Variants in SLC24A3 observed in about 807,000 individuals in gnomAD.
SLC24A3 encodes solute carrier family 24 member 3, also known as sodium/potassium/calcium exchanger 3.
A neutral mutation model predicts 75.8 loss-of-function variants in SLC24A3; 28 were observed. That is an observed-to-expected ratio of 0.37 (90% confidence interval 0.27 to 0.51). The LOEUF (loss-of-function observed/expected upper bound fraction) is 0.51, where lower values mean the gene tolerates loss of function less well. Ranked by LOEUF, SLC24A3 falls within the 20% of genes least tolerant of loss-of-function variation. SLC24A3 has a pLI of 0.94. For synonymous variants in SLC24A3, 372 were observed against 334.1 expected (o/e 1.11, Z -1.24); for missense variants, 663 against 847.8 (o/e 0.78, Z 2.71).
intron 2 of SLC24A3, among the ~76,000 whole-genome samples, chr20:19,335,212 T>C (rs1055584089): frequency 7.2e-5 from 11 of 152,208 alleles, no homozygotes; most frequent in African/African-American, 2.7e-4. Context: ...CCTCAAAGTC[T>C]CATAGTCTCA....
At chr20:19,295,886 A>G (rs1984047772) in intron 2 of SLC24A3, among the ~76,000 whole-genome samples, 1 of 152,064 alleles carries the variant, frequency 6.6e-6, no homozygotes, top group Admixed American at 6.6e-5. Flanking sequence ...TGAGTTAGAG[A>G]GAAGTCCCTC....
chr20:19,675,653 T>C (rs1027681721), intron 9 of SLC24A3, among the ~76,000 whole-genome samples: 2 of 152,204 alleles, frequency 1.3e-5, no homozygotes, highest in Admixed American at 6.5e-5. Context: ...GTCATACATA[T>C]CCTGGTACCA....
intron 2 of SLC24A3, among the ~76,000 whole-genome samples, chr20:19,465,873 A>G (rs1026236739): frequency 5.9e-5 from 9 of 152,232 alleles, no homozygotes; most frequent in African/African-American, 1.7e-4. Context: ...CCCAGGCCTC[A>G]TCCCAGGATA....
intron 2 of SLC24A3, among the ~76,000 whole-genome samples, chr20:19,461,137 C>G (rs1325076523): frequency 6.6e-6 from 1 of 152,184 alleles, no homozygotes; most frequent in Non-Finnish European, 1.5e-5. Context: ...TTTTCAGAGG[C>G]TGCTTCTCAG....
rs78802191 is a variant in SLC24A3, at chr20:19,213,982, A to G, written c.142+998A>G. Among the ~76,000 whole-genome samples the G allele has an allele frequency of 7.0e-3, 1,067 of 152,350 alleles. 7 individuals carry two copies. Among genetic ancestry groups the G allele is most frequent in the African/African-American group, 0.024 (996 of 41,570 alleles). On this transcript the variant is annotated intron_variant, in intron 1 of 16. Coordinates refer to ENST00000328041, the MANE Select transcript of SLC24A3 (RefSeq NM_020689.4). Reference sequence around the variant, plus strand: ...AACAAACAAAAAAACAGTTACAAGTATGTGCTGTGGTGTTGAGGTCGACGT... The same window carrying G: ...AACAAACAAAAAAACAGTTACAAGTGTGTGCTGTGGTGTTGAGGTCGACGT...
At chr20:19,273,826 C>G (rs1983400089) in intron 1 of SLC24A3, among the ~76,000 whole-genome samples, 1 of 151,818 alleles carries the variant, frequency 6.6e-6, no homozygotes, top group African/African-American at 2.4e-5. Context: ...GAGAACACCC[C>G]CTTGGGCTGG....
chr20:19,476,204 T>C (rs765254990), intron 2 of SLC24A3, among the ~76,000 whole-genome samples: 28 of 152,250 alleles, frequency 1.8e-4, no homozygotes, highest in Middle Eastern at 3.2e-3. Context: ...CAGAGATTCA[T>C]TCTGGTGAGC....
At chr20:19,500,892 C>G (rs1424763643) in intron 2 of SLC24A3, among the ~76,000 whole-genome samples, 1 of 152,198 alleles carries the variant, frequency 6.6e-6, no homozygotes, top group African/African-American at 2.4e-5. Flanking sequence ...TAGCTCATGA[C>G]TGTAAATGTA....
chr20:19,547,926 C>T (rs114509526), intron 3 of SLC24A3, among the ~76,000 whole-genome samples: 1,630 of 152,342 alleles, frequency 0.011, 22 homozygotes, highest in African/African-American at 0.037. Context: ...AGCAAAATAA[C>T]CAAGTATTGG....
At chr20:19,217,047 T>A (rs1981578657) in intron 1 of SLC24A3, among the ~76,000 whole-genome samples, 1 of 152,214 alleles carries the variant, frequency 6.6e-6, no homozygotes, top group Non-Finnish European at 1.5e-5. Flanking sequence ...CTCCATGCGA[T>A]CTCTTTATGT....
rs1280073652 is a variant in SLC24A3 at position 19,384,698 on chromosome 20, A to C, written c.271+103611A>C. ...TTCATTTCCTTTGGATACATACCCCAAAATGGGATGTGAGAATCATAAAGC... is the reference window on the plus strand; with the variant it reads ...TTCATTTCCTTTGGATACATACCCCCAAATGGGATGTGAGAATCATAAAGC... On this transcript the variant is annotated intron_variant, in intron 2 of 16. Transcript: ENST00000328041. Among the ~76,000 whole-genome samples, 11 of 152,210 alleles carry C rather than the reference A, an allele frequency of 7.2e-5. No homozygotes were observed. The South Asian group carries it at 8.3e-4, about 11-fold the overall frequency.
intron 16 of SLC24A3, 144 bp downstream of exon 16, chr20:19,717,737 G>C (rs1250087893): frequency 3.6e-6 from 3 of 843,090 alleles, no homozygotes; most frequent in African/African-American, 3.4e-5. Flanking sequence ...TCTTCTAGAA[G>C]TGAGTCCTAG....
chr20:19,410,466 C>T (rs1986723051), intron 2 of SLC24A3, among the ~76,000 whole-genome samples: 1 of 152,162 alleles, frequency 6.6e-6, no homozygotes, highest in Admixed American at 6.5e-5. Flanking sequence ...CAGGCTATCT[C>T]ACCACAAGGA....
intron 3 of SLC24A3, among the ~76,000 whole-genome samples, chr20:19,537,249 T>G (rs1264137197): frequency 1.3e-5 from 2 of 152,172 alleles, no homozygotes; most frequent in Non-Finnish European, 2.9e-5. Flanking sequence ...AAGAAGATAT[T>G]TATGCAGCCA....
chr20:19,632,844 C>T (rs914105580), intron 6 of SLC24A3, among the ~76,000 whole-genome samples: 36 of 152,326 alleles, frequency 2.4e-4, no homozygotes, highest in African/African-American at 8.7e-4. Flanking sequence ...AGGCCTGGTC[C>T]TCCAACTCTT....
At chr20:19,313,483 T>C (rs1008510415) in intron 2 of SLC24A3, among the ~76,000 whole-genome samples, 14 of 152,178 alleles carry the variant, frequency 9.2e-5, no homozygotes, top group African/African-American at 3.4e-4. Context: ...CCCTGTTTGC[T>C]CTGGGCTCTG....
At chr20:19,383,338 G>A (rs1383713310) in intron 2 of SLC24A3, among the ~76,000 whole-genome samples, 2 of 152,118 alleles carry the variant, frequency 1.3e-5, no homozygotes, top group Non-Finnish European at 2.9e-5. Flanking sequence ...GAAAAGATAG[G>A]GGAGACAAAC....
At chr20:19,613,401 A>G (rs2031696870) in intron 6 of SLC24A3, among the ~76,000 whole-genome samples, 1 of 152,210 alleles carries the variant, frequency 6.6e-6, no homozygotes, top group Non-Finnish European at 1.5e-5. Context: ...GTTCAGGGAT[A>G]AAGAGCCTAC....
chr20:19,534,442 G>A (rs981636541), intron 3 of SLC24A3, among the ~76,000 whole-genome samples: 16 of 12,692 alleles, frequency 1.3e-3, no homozygotes, highest in South Asian at 2.4e-3. Flanking sequence ...ACGGAGTCTC[G>A]CTCTGTCACC....
Sources: gnomAD v4.1 joint callset for allele counts (sites outside exome capture counted in the v4.1 genomes callset) on GRCh38, gnomAD v4.1.1 for gene constraint, MANE v1.5 for transcripts, NCBI Gene and HGNC (gene_info 2026-07-23, HGNC 2026-07-21) for gene names.